Variants in PARG observed in about 807,000 individuals in gnomAD.
PARG encodes mitochondrial poly(ADP-ribose) glycohydrolase.
PARG carries 35 observed loss-of-function variants against 113.0 expected under a neutral mutation model. The ratio of observed to expected loss-of-function variants is 0.31; its 90% confidence interval spans 0.24 to 0.41. The LOEUF (loss-of-function observed/expected upper bound fraction) is 0.41, where lower values mean the gene tolerates loss of function less well. Ranked by LOEUF, PARG falls within the 10% of genes least tolerant of loss-of-function variation. The probability of loss-of-function intolerance (pLI) is 1.00; values close to 1 mark genes in which losing one functional copy is unlikely to be tolerated. For missense variants in PARG, 797 were observed against 1,169.4 expected (o/e 0.68, Z 4.64); for synonymous variants, 330 against 409.9 (o/e 0.81, Z 2.36).
At position 49,820,373 on chromosome 10, in the gene PARG, C is replaced by A. The variant is rs531094419; in HGVS notation, c.2648-80G>T. The A allele has an allele frequency of 5.2e-5, 48 of 925,666 alleles. 1 individual carries two copies. Among genetic ancestry groups the A allele is most frequent in the South Asian group, 2.1e-4 (13 of 60,536 alleles). 57.3% of individuals were successfully genotyped at this position (925,666 alleles called of 1,614,324 possible). A position where few individuals can be genotyped will look rare whatever the true frequency, so the allele number is the denominator to read the frequency against. ...TTTAGCTCTTTACCAGCTGGTGTGC[C>A]ACAGCTTCATCCTAGATTAAAGATT... is the stretch of plus-strand genomic sequence containing the variant. On this transcript the variant is annotated intron_variant, in intron 16 of 17. Transcript: ENST00000616448.
At chr10:49,901,395 C>T (rs1423147876) in intron 7 of PARG, among the ~76,000 whole-genome samples, 1 of 150,412 alleles carries the variant, frequency 6.6e-6, no homozygotes, top group Non-Finnish European at 1.5e-5. Context: ...ATTACAAGCA[C>T]GAACCACCAC....
Position 49,819,397 on chromosome 10 carries a change from A to G in PARG, c.2874T>C (p.His958=). 3 of 1,551,576 alleles carry G rather than the reference A, an allele frequency of 1.9e-6. No homozygotes were observed. The highest frequency in any genetic ancestry group is 2.6e-6 in the Non-Finnish European group (3 of 1,146,862). Residue 958 remains histidine, a synonymous_variant, in exon 18 of 18, where the codon CAT becomes CAC. Coordinates refer to ENST00000616448, the MANE Select transcript of PARG (RefSeq NM_003631.5). ...PDIKLYPFIY[H]AVESCAETAD... is the part of the protein sequence containing the mutation. Reference sequence around the variant, plus strand: ...CGGTCTCTGCACAGGACTCGACAGCATGGTATATGAATGGATAAAGCTTGA... The same window carrying G: ...CGGTCTCTGCACAGGACTCGACAGCGTGGTATATGAATGGATAAAGCTTGA...
rs376720259 is a variant in PARG at position 49,861,626 on chromosome 10, C to T, written c.2167G>A (p.Glu723Lys). ...KPLTRLHVTY[E>K]GTIEENGQGM... The stretch of plus-strand genomic sequence containing the variant: ...TGGCCATTTTCTTCTATGGTACCTT[C>T]GTAAGTGACATGCAATCGTGTCAAG... The change falls in exon 12 of 18, where the codon GAA (glutamate) becomes AAA (lysine). Residue 723 changes from glutamate (E) to lysine (K), a missense_variant. Glu to Lys is a moderately conservative substitution (Grantham distance 56). Around this residue, in one of 5 missense-constraint regions of PARG, gnomAD observed 40 missense variants for 124.5 expected, o/e 0.32. Transcript: ENST00000616448. The T allele has an allele frequency of 1.8e-5, 28 of 1,574,780 alleles. No homozygotes were observed. Among genetic ancestry groups the T allele is most frequent in the South Asian group, 5.7e-5 (5 of 87,454 alleles).
At chr10:49,936,314 G>A (rs1192030230) in intron 1 of PARG, among the ~76,000 whole-genome samples, 1 of 152,150 alleles carries the variant, frequency 6.6e-6, no homozygotes, top group Non-Finnish European at 1.5e-5. Flanking sequence ...AATGATGACA[G>A]CCTTAAGTAG....
At chr10:49,911,908 G>A (rs1306617930) in intron 7 of PARG, among the ~76,000 whole-genome samples, 8 of 152,114 alleles carry the variant, frequency 5.3e-5, no homozygotes, top group African/African-American at 1.2e-4. Context: ...CAAAATAAAC[G>A]TAACTGCAAA....
chr10:49,830,819 T>C (rs1554830159), intron 16 of PARG, among the ~76,000 whole-genome samples: 2 of 152,212 alleles, frequency 1.3e-5, no homozygotes, highest in African/African-American at 2.4e-5. Context: ...GAAGTATACG[T>C]ATTCTTTGAG....
rs1257708733 is a variant in PARG, at chr10:49,818,829, AC to A, written c.*510del. ...GCATTATGCAACACATATGAAAAAA[AC>A]CCTAATTATTAATTTTCAGAATTTA... On this transcript the variant is annotated 3_prime_UTR_variant, in exon 18 of 18. Coordinates refer to ENST00000616448, the MANE Select transcript of PARG (RefSeq NM_003631.5). The A allele has an allele frequency of 1.3e-5, 2 of 152,464 alleles. No homozygotes were observed. The highest frequency in any genetic ancestry group is 1.3e-4 in the Admixed American group (2 of 15,302). The allele number at this position is 152,464 out of a possible 1,614,324, so 9.4% of individuals were successfully genotyped here. A position where few individuals can be genotyped will look rare whatever the true frequency, so the allele number is the denominator to read the frequency against.
Position 49,920,493 on chromosome 10 carries a change from TATATACAC to T in PARG, c.1662+1835_1662+1842del, listed in dbSNP as rs1308091700. Among the ~76,000 whole-genome samples the T allele has an allele frequency of 3.3e-3, 311 of 94,282 alleles. 5 individuals carry two copies. Among genetic ancestry groups the T allele is most frequent in the African/African-American group, 0.011 (263 of 23,756 alleles). The allele number at this position is 94,282 out of a possible 152,430, so 61.9% of individuals were successfully genotyped here. On this transcript the variant is annotated intron_variant, in intron 6 of 17. Transcript: ENST00000616448. The stretch of plus-strand genomic sequence containing the variant: ...ATATATATATATATATATATATATA[TATATACAC>T]ACACACACACATATATATGTATATA...
At chr10:49,861,880 G>A (rs1256248900) in intron 11 of PARG, among the ~76,000 whole-genome samples, 2 of 150,738 alleles carry the variant, frequency 1.3e-5, no homozygotes, top group African/African-American at 4.9e-5. Flanking sequence ...AACATAGTTT[G>A]AAACCTGATT....
chr10:49,894,154 C>T (rs1310357014), intron 7 of PARG, among the ~76,000 whole-genome samples: 24 of 152,078 alleles, frequency 1.6e-4, no homozygotes, highest in African/African-American at 5.3e-4. Context: ...CCACCTCAGC[C>T]TCCCAAGGAG....
intron 15 of PARG, among the ~76,000 whole-genome samples, chr10:49,837,337 G>A (rs571602760): frequency 2.2e-4 from 33 of 151,278 alleles, no homozygotes; most frequent in Non-Finnish European, 3.4e-4. Context: ...TTACTTTTTC[G>A]CGTAGAAAAA....
At chr10:49,904,501 T>C (rs1439557552) in intron 7 of PARG, among the ~76,000 whole-genome samples, 4 of 151,910 alleles carry the variant, frequency 2.6e-5, no homozygotes, top group Non-Finnish European at 5.9e-5. Flanking sequence ...GTTCATCAAT[T>C]GTAGCAAATG....
intron 13 of PARG, among the ~76,000 whole-genome samples, chr10:49,853,707 G>A (rs1457007584): frequency 2.0e-5 from 3 of 152,046 alleles, no homozygotes; most frequent in African/African-American, 7.2e-5. Context: ...GGCTGACTGA[G>A]GCTCTGTCCA....
At chr10:49,869,349 T>C in intron 10 of PARG, 127 bp downstream of exon 10, 2 of 672,592 alleles carry the variant, frequency 3.0e-6, no homozygotes, top group African/African-American at 1.8e-5. Context: ...TGTCGCATCA[T>C]TACTAGTGTT....
chr10:49,830,222 C>T (rs782741446), intron 16 of PARG, among the ~76,000 whole-genome samples: 2 of 152,214 alleles, frequency 1.3e-5, no homozygotes, highest in African/African-American at 4.8e-5. Context: ...CAAATGACCA[C>T]GGCTTACAGC....
chr10:49,885,664 A>G (rs2813068), intron 7 of PARG, among the ~76,000 whole-genome samples: 2 of 150,810 alleles, frequency 1.3e-5, no homozygotes, highest in African/African-American at 4.9e-5. Flanking sequence ...CTAGACACCA[A>G]GGACTTTCTG....
intron 6 of PARG, among the ~76,000 whole-genome samples, chr10:49,917,013 G>A (rs1462051432): frequency 6.6e-6 from 1 of 151,980 alleles, no homozygotes; most frequent in African/African-American, 2.4e-5. Context: ...TAGGTTAAAA[G>A]ATGAGCCAAC....
At chr10:49,925,938 A>G (rs1838135062) in intron 4 of PARG, among the ~76,000 whole-genome samples, 1 of 152,266 alleles carries the variant, frequency 6.6e-6, no homozygotes, top group East Asian at 1.9e-4. Context: ...AAGGGGCACA[A>G]GAGCCTTTAT....
At position 49,905,679 on chromosome 10, in the gene PARG, A is replaced by G. The variant is rs1305883563; in HGVS notation, c.1737+10238T>C. On this transcript the variant is annotated intron_variant, in intron 7 of 17. Coordinates refer to ENST00000616448, the MANE Select transcript of PARG (RefSeq NM_003631.5). The stretch of plus-strand genomic sequence containing the variant: ...CACCTTAACTATTAACCCTTTACTT[A>G]CGAAGTGTTAATATTTGCGTAATAC... 2.0e-5 allele frequency among the ~76,000 whole-genome samples: 3 copies of G among 152,334 alleles called. No individual in the cohort carries two copies. In the East Asian group the frequency reaches 5.8e-4, roughly 29 times the overall value.
Sources: gnomAD v4.1 joint callset for allele counts (sites outside exome capture counted in the v4.1 genomes callset) on GRCh38, gnomAD v4.1.1 for gene constraint, gnomAD v4.1.1 regional missense constraint, MANE v1.5 for transcripts, NCBI Gene and HGNC (gene_info 2026-07-23, HGNC 2026-07-21) for gene names.